Variants in SHISA9 observed in about 807,000 individuals in gnomAD.
SHISA9 encodes shisa family member 9.
In SHISA9, 13 loss-of-function variants were observed where a neutral mutation model predicts 38.0. That is an observed-to-expected ratio of 0.34 (90% CI 0.22 to 0.54). SHISA9 has a LOEUF of 0.54. Ranked by LOEUF, SHISA9 falls within the 20% of genes least tolerant of loss-of-function variation. The pLI is 0.91. For synonymous variants in SHISA9, 275 were observed against 242.0 expected, an observed-to-expected ratio of 1.14 and a Z score of -1.27; for missense variants, 538 against 575.8, an observed-to-expected ratio of 0.93 and a Z score of 0.67.
At chr16:13,195,547 A>G (rs1032445129) in intron 2 of SHISA9, among the ~76,000 whole-genome samples, 3 of 152,198 alleles carry the variant, frequency 2.0e-5, no homozygotes, top group Non-Finnish European at 4.4e-5. Context: ...TACTCCTTAG[A>G]TACGGTGTGA....
chr16:13,180,200 G>C (rs144843246), intron 2 of SHISA9, among the ~76,000 whole-genome samples: 1 of 152,216 alleles, frequency 6.6e-6, no homozygotes, highest in African/African-American at 2.4e-5. Context: ...CCTATGAAAA[G>C]GTATAGATAT....
At chr16:13,321,363 T>C in the SHISA9 span, among the ~76,000 whole-genome samples, 66 of 152,328 alleles carry the variant, frequency 4.3e-4, no homozygotes, top group Middle Eastern at 3.4e-3. Flanking sequence ...AACGAATGAA[T>C]GATTTTTCTC....
At chr16:12,995,938 T>G (rs1016866492) in intron 2 of SHISA9, among the ~76,000 whole-genome samples, 1 of 152,194 alleles carries the variant, frequency 6.6e-6, no homozygotes, top group Non-Finnish European at 1.5e-5. Flanking sequence ...ATGGTGCTTC[T>G]TGAGTTGTGG....
intron 4 of SHISA9, among the ~76,000 whole-genome samples, chr16:13,214,357 G>A (rs924321281): frequency 2.0e-5 from 3 of 151,948 alleles, no homozygotes; most frequent in African/African-American, 4.8e-5. Flanking sequence ...ACATGCCACC[G>A]TGCCCAGCTA....
intron 2 of SHISA9, among the ~76,000 whole-genome samples, chr16:12,971,078 A>T (rs1485950063): frequency 6.6e-6 from 1 of 152,194 alleles, no homozygotes; most frequent in Admixed American, 6.5e-5. Context: ...AAAGACACCC[A>T]CCTGGGATCC....
the SHISA9 span, among the ~76,000 whole-genome samples, chr16:13,497,928 C>T: frequency 8.6e-5 from 13 of 151,392 alleles, no homozygotes; most frequent in South Asian, 1.2e-3. Context: ...AGTGCAAATA[C>T]GTGAATAAAA....
At chr16:13,200,025 T>C (rs144876179) in intron 2 of SHISA9, among the ~76,000 whole-genome samples, 135 of 152,240 alleles carry the variant, frequency 8.9e-4, no homozygotes, top group African/African-American at 3.2e-3. Context: ...CAATGACTAA[T>C]AGGAGTTTGT....
chr16:12,904,945 T>C (rs1223107154), intron 1 of SHISA9, among the ~76,000 whole-genome samples: 1 of 152,192 alleles, frequency 6.6e-6, no homozygotes, highest in Non-Finnish European at 1.5e-5. Context: ...TTTGAACTCC[T>C]GACCTCCAGT....
the SHISA9 span, among the ~76,000 whole-genome samples, chr16:13,290,933 G>C: frequency 6.6e-5 from 10 of 152,110 alleles, no homozygotes; most frequent in Non-Finnish European, 1.2e-4. Flanking sequence ...ACTTATTGTG[G>C]TCTCTTTCCC....
intron 2 of SHISA9, among the ~76,000 whole-genome samples, chr16:13,044,742 G>C (rs2073167847): frequency 6.6e-6 from 1 of 152,130 alleles, no homozygotes; most frequent in South Asian, 2.1e-4. Flanking sequence ...ACGGACGGCT[G>C]CAGTTTTTCA....
At chr16:13,453,110 G>A in the SHISA9 span, among the ~76,000 whole-genome samples, 12 of 151,888 alleles carry the variant, frequency 7.9e-5, no homozygotes, top group East Asian at 2.0e-3. Flanking sequence ...GGCTGGTCTC[G>A]AACTCCTGAC....
At chr16:12,917,266 T>A (rs1481977409) in intron 2 of SHISA9, among the ~76,000 whole-genome samples, 1 of 152,238 alleles carries the variant, frequency 6.6e-6, no homozygotes, top group Non-Finnish European at 1.5e-5. Flanking sequence ...CTGTTTTCAA[T>A]TATGAAATAC....
At chr16:13,527,734 C>T in the SHISA9 span, among the ~76,000 whole-genome samples, 317 of 152,262 alleles carry the variant, frequency 2.1e-3, 1 homozygote, top group Middle Eastern at 6.8e-3. Context: ...TGAGAAACCT[C>T]AGTATCTTAT....
intron 2 of SHISA9, among the ~76,000 whole-genome samples, chr16:13,023,846 A>C (rs1243235493): frequency 6.6e-6 from 1 of 152,182 alleles, no homozygotes; most frequent in Admixed American, 6.5e-5. Flanking sequence ...GGTCACATTC[A>C]TAGGTTCTGG....
the SHISA9 span, among the ~76,000 whole-genome samples, chr16:13,506,107 A>G: frequency 6.6e-6 from 1 of 152,216 alleles, no homozygotes; most frequent in East Asian, 1.9e-4. Context: ...ATAAAACAAG[A>G]AGCAAATAAG....
At chr16:13,452,085 C>A in the SHISA9 span, among the ~76,000 whole-genome samples, 729 of 152,302 alleles carry the variant, frequency 4.8e-3, 2 homozygotes, top group Middle Eastern at 0.01. Context: ...AGGTGTGCTG[C>A]AGCTCGGTGA....
intron 2 of SHISA9, among the ~76,000 whole-genome samples, chr16:13,089,260 C>T (rs1438214436): frequency 6.6e-6 from 1 of 152,068 alleles, no homozygotes; most frequent in African/African-American, 2.4e-5. Context: ...GTCTAAAATT[C>T]TCTTTTTTTG....
At chr16:13,268,413 G>T in the SHISA9 span, among the ~76,000 whole-genome samples, 12 of 152,162 alleles carry the variant, frequency 7.9e-5, no homozygotes, top group African/African-American at 2.9e-4. Flanking sequence ...GGGAGTTGAG[G>T]CAGGAGAATC....
the SHISA9 span, among the ~76,000 whole-genome samples, chr16:13,328,591 T>TACAC: frequency 0.018 from 2,461 of 139,924 alleles, 28 homozygotes; most frequent in Middle Eastern, 0.038. Flanking sequence ...TATATGTGTA[T>TACAC]ACACACACAC....
Sources: gnomAD v4.1 joint callset for allele counts (sites outside exome capture counted in the v4.1 genomes callset) on GRCh38, gnomAD v4.1.1 for gene constraint, MANE v1.5 for transcripts, NCBI Gene and HGNC (gene_info 2026-07-23, HGNC 2026-07-21) for gene names.